The following CALCR variants were observed in gnomAD, a reference collection of about 807,000 sequenced individuals.
The protein encoded by CALCR is calcitonin receptor.
Under a neutral mutation model 59.5 loss-of-function variants are expected in CALCR, and 47 were observed. The ratio of observed to expected loss-of-function variants is 0.79; its 90% CI spans 0.63 to 1.01. The LOEUF (loss-of-function observed/expected upper bound fraction) is 1.01, where lower values mean the gene tolerates loss of function less well. Ranked by LOEUF, CALCR falls within the 50% of genes least tolerant of loss-of-function variation. The pLI, the probability that CALCR is intolerant of heterozygous loss-of-function variation, is 0.00. For missense variants in CALCR, 566 were observed against 597.1 expected (o/e 0.95, Z 0.54); for synonymous variants, 213 against 211.3 (o/e 1.01, Z -0.07).
chr7:93,502,523 C>A (rs1166983229), intron 2 of CALCR, among the ~76,000 whole-genome samples: 1 of 151,994 alleles, frequency 6.6e-6, no homozygotes, highest in Non-Finnish European at 1.5e-5. Flanking sequence ...GGCTAAGTTT[C>A]GCTGTATTAA....
At chr7:93,554,766 C>CATATAT in intron 2 of CALCR, among the ~76,000 whole-genome samples, 1 of 63,106 alleles carries the variant, frequency 1.6e-5, no homozygotes, top group South Asian at 4.5e-4. Context: ...ATTGCCAGGC[C>CATATAT]ATGTATATAT....
At chr7:93,450,877 A>C (rs1417057029) in intron 8 of CALCR, among the ~76,000 whole-genome samples, 4 of 152,018 alleles carry the variant, frequency 2.6e-5, no homozygotes, top group African/African-American at 9.7e-5. Context: ...TGGTAGTAGG[A>C]TAATCATATG....
Position 93,486,995 on chromosome 7 carries a change from AG to A in CALCR, c.-15del. 6.4e-7 allele frequency: 1 copy of A among 1,570,628 alleles called. No homozygotes were observed. Among genetic ancestry groups the A allele is most frequent in the Non-Finnish European group, 8.7e-7 (1 of 1,143,838 alleles). On this transcript the variant is annotated 5_prime_UTR_variant, in exon 3 of 14. Transcript: ENST00000426151. ...TGTGAACCTCATTTTTGATTTTTGA[AG>A]ATCTCTTTGTCCTAGAAAAATATAA... is the stretch of plus-strand genomic sequence containing the variant.
intron 2 of CALCR, among the ~76,000 whole-genome samples, chr7:93,491,151 T>C (rs570598024): frequency 1.3e-5 from 2 of 152,094 alleles, no homozygotes; most frequent in East Asian, 3.9e-4. Context: ...ATACAAGCAA[T>C]GGGGAAAGGA....
chr7:93,487,847 C>T (rs1051369329), intron 2 of CALCR, among the ~76,000 whole-genome samples: 1 of 151,398 alleles, frequency 6.6e-6, no homozygotes, highest in African/African-American at 2.4e-5. Flanking sequence ...ATCCTTTATC[C>T]AGGAGAACTT....
chr7:93,432,957 G>A (rs1310885371), intron 13 of CALCR, among the ~76,000 whole-genome samples: 2 of 152,122 alleles, frequency 1.3e-5, no homozygotes, highest in African/African-American at 4.8e-5. Context: ...ATGGAAGGAT[G>A]TCTTTTCATT....
intron 3 of CALCR, among the ~76,000 whole-genome samples, chr7:93,479,991 T>C (rs1800758986): frequency 6.6e-6 from 1 of 151,914 alleles, no homozygotes. Flanking sequence ...TGCCAGAAAT[T>C]TATCCCATCT....
intron 2 of CALCR, among the ~76,000 whole-genome samples, chr7:93,561,811 C>A (rs1019680917): frequency 3.9e-5 from 6 of 151,966 alleles, no homozygotes; most frequent in Non-Finnish European, 7.4e-5. Context: ...TGTGTGAGAC[C>A]CTGAAAAATC....
In CALCR at chr7:93,472,393, G is replaced by T. The variant is rs769193553; in HGVS notation, c.411C>A (p.Phe137Leu). The T allele has an allele frequency of 3.1e-6, 5 of 1,601,982 alleles. No homozygotes were observed. In the African/African-American group the frequency reaches 5.4e-5, roughly 17 times the overall value. ...AACCTACCTTCAGTTTCTCAGGAGT[G>T]AAAGCATTGCACATAGTATAGTTGG... is the stretch of plus-strand genomic sequence containing the variant. Reference protein sequence around the residue: ...TWSNYTMCNAFTPEKLKNAYV... With the variant: ...TWSNYTMCNALTPEKLKNAYV... The change falls in exon 6 of 14, where the codon TTC becomes TTA. Residue 137 changes from phenylalanine (F) to leucine (L), a missense_variant. Transcript: ENST00000426151.
chr7:93,534,804 T>C (rs10262498), intron 2 of CALCR, among the ~76,000 whole-genome samples: 1,557 of 151,896 alleles, frequency 0.01, 20 homozygotes, highest in African/African-American at 0.035. Context: ...GAAATATTTA[T>C]TCTAATCCTA....
Position 93,479,771 on chromosome 7 carries a change from T to A in CALCR, c.52-264A>T, listed in dbSNP as rs2074121. On this transcript the variant is annotated intron_variant, in intron 3 of 13. Transcript: ENST00000426151. Reference sequence around the variant, plus strand: ...ACACCTACACACTCATATACCTCTTTATCAGCTAGGATTGTTTTAACTGTA... The same window carrying A: ...ACACCTACACACTCATATACCTCTTAATCAGCTAGGATTGTTTTAACTGTA... Among the ~76,000 whole-genome samples the A allele has an allele frequency of 0.4, 60,420 of 151,704 alleles. 12,755 individuals are homozygous for A. Among genetic ancestry groups the A allele is most frequent in the South Asian group, 0.49 (2,331 of 4,802 alleles).
chr7:93,472,860 T>A (rs1800583411), intron 5 of CALCR, among the ~76,000 whole-genome samples: 1 of 151,814 alleles, frequency 6.6e-6, no homozygotes, highest in Admixed American at 6.6e-5. Context: ...CATTAAACTT[T>A]TGATTATAGA....
intron 13 of CALCR, 74 bp downstream of exon 13, chr7:93,434,179 T>G (rs919959780): frequency 3.0e-6 from 3 of 1,008,748 alleles, no homozygotes; most frequent in Non-Finnish European, 4.7e-6. Flanking sequence ...AAATGAAATT[T>G]GTACAGAGGC....
chr7:93,542,690 T>C (rs1030559888), intron 2 of CALCR, among the ~76,000 whole-genome samples: 1 of 134,012 alleles, frequency 7.5e-6, no homozygotes, highest in Non-Finnish European at 1.8e-5. Context: ...TGTACATTTG[T>C]ACAAAAATAT....
intron 2 of CALCR, among the ~76,000 whole-genome samples, chr7:93,490,324 T>C (rs903005950): frequency 1.3e-5 from 2 of 151,812 alleles, no homozygotes; most frequent in African/African-American, 4.8e-5. Flanking sequence ...ATTGAAAGCA[T>C]TCCCTTTGAA....
chr7:93,561,261 T>C (rs1315316188), intron 2 of CALCR, among the ~76,000 whole-genome samples: 1 of 152,194 alleles, frequency 6.6e-6, no homozygotes, highest in Non-Finnish European at 1.5e-5. Flanking sequence ...AGTGCTATTC[T>C]ATAAAAATAT....
chr7:93,519,964 C>T (rs113226102), intron 2 of CALCR, among the ~76,000 whole-genome samples: 4,726 of 152,018 alleles, frequency 0.031, 251 homozygotes, highest in African/African-American at 0.11. Flanking sequence ...ATTACCCAGT[C>T]TTGGGAAATT....
chr7:93,464,221 G>A (rs774000373), intron 7 of CALCR, among the ~76,000 whole-genome samples: 1 of 151,940 alleles, frequency 6.6e-6, no homozygotes, highest in Non-Finnish European at 1.5e-5. Context: ...CTTGAGTTTT[G>A]CCAGTTGACT....
chr7:93,543,031 A>G (rs1268744934), intron 2 of CALCR, among the ~76,000 whole-genome samples: 1 of 152,192 alleles, frequency 6.6e-6, no homozygotes. Context: ...ATAGTAATAC[A>G]TAAACCAGTA....
Sources: allele counts gnomAD v4.1 joint callset (sites outside exome capture counted in the v4.1 genomes callset), GRCh38; gene constraint gnomAD v4.1.1; transcripts MANE v1.5; gene names NCBI Gene and HGNC (gene_info 2026-07-23, HGNC 2026-07-21).